FAM83B: variants seen among roughly 807,000 people sequenced by gnomAD.
FAM83B encodes scaffolding CK1 anchoring protein B, also known as protein FAM83B.
In FAM83B, 26 loss-of-function variants were observed where a neutral mutation model predicts 38.8. That is an observed-to-expected ratio of 0.67 (90% CI 0.49 to 0.93). The LOEUF is 0.93. FAM83B is among the 40% of genes least tolerant of loss of function. The pLI is 0.00. For missense variants in FAM83B, 1,237 were observed against 1,197.3 expected (o/e 1.03, Z -0.49); for synonymous variants, 419 against 423.1 (o/e 0.99, Z 0.12).
intron 2 of FAM83B, among the ~76,000 whole-genome samples, chr6:54,918,330 C>T (rs1037760038): frequency 6.6e-6 from 1 of 152,136 alleles, no homozygotes; most frequent in African/African-American, 2.4e-5. Context: ...ATTTCTAACT[C>T]TGTAGTAATA....
intron 1 of FAM83B, among the ~76,000 whole-genome samples, chr6:54,863,555 G>GACTTTTGTCATTTGGTCCTTAATTCT (rs60274215): frequency 0.54 from 82,463 of 151,650 alleles, 23,116 homozygotes; most frequent in Non-Finnish European, 0.59. Flanking sequence ...GCCAACCTGT[G>GACTTTTGTCATTTGGTCCTTAATTCT]ACTTCTCCAC....
rs543212842 is a variant in FAM83B, at chr6:54,942,303, ATGTATGG to A, written c.*318_*324del. ...TCTCACTTAGAAATTTTTGTGGACG[ATGTATGG>A]TGTATGGTGTATGGTGTATGGATTT... On this transcript the variant is annotated 3_prime_UTR_variant, in exon 5 of 5. Coordinates refer to ENST00000306858, the MANE Select transcript of FAM83B (RefSeq NM_001010872.3). Among the ~76,000 whole-genome samples the A allele has an allele frequency of 7.5e-4, 114 of 152,302 alleles. 2 individuals are homozygous for A. In the South Asian group the frequency reaches 0.019, roughly 25 times the overall value.
chr6:54,895,849 T>C (rs1319553156), intron 2 of FAM83B, among the ~76,000 whole-genome samples: 1 of 152,090 alleles, frequency 6.6e-6, no homozygotes, highest in East Asian at 1.9e-4. Context: ...CAAGTGATTC[T>C]CCTGCCTCAG....
At chr6:54,920,731 T>C (rs1773148457) in intron 2 of FAM83B, among the ~76,000 whole-genome samples, 1 of 151,948 alleles carries the variant, frequency 6.6e-6, no homozygotes, top group Non-Finnish European at 1.5e-5. Flanking sequence ...TTTGGTTATT[T>C]GGTGCATTTA....
chr6:54,848,048 G>T (rs1771181863), intron 1 of FAM83B, among the ~76,000 whole-genome samples: 2 of 145,174 alleles, frequency 1.4e-5, no homozygotes, highest in South Asian at 4.7e-4. Context: ...CAGGAAGGGA[G>T]AGAGTGATGA....
chr6:54,853,365 A>G (rs917154637), intron 1 of FAM83B, among the ~76,000 whole-genome samples: 4 of 152,206 alleles, frequency 2.6e-5, no homozygotes, highest in African/African-American at 7.2e-5. Context: ...AGAAGATGCC[A>G]TCTAGTATTT....
chr6:54,884,481 C>CAAAA (rs769913282), intron 2 of FAM83B, among the ~76,000 whole-genome samples: 3 of 71,120 alleles, frequency 4.2e-5, no homozygotes, highest in Non-Finnish European at 6.5e-5. Context: ...GACTCTGTCT[C>CAAAA]AAAAAAAAAA....
At position 54,851,743 on chromosome 6, in the gene FAM83B, G is replaced by A. The variant is rs565897782; in HGVS notation, c.-61+4917G>A. Among the ~76,000 whole-genome samples the A allele has an allele frequency of 2.8e-3, 400 of 144,698 alleles. 3 individuals carry two copies. Among genetic ancestry groups the A allele is most frequent in the African/African-American group, 9.9e-3 (377 of 38,106 alleles). The allele number at this position is 144,698 out of a possible 152,430, so 94.9% of individuals were successfully genotyped here. On this transcript the variant is annotated intron_variant, in intron 1 of 4. Transcript: ENST00000306858. The stretch of plus-strand genomic sequence containing the variant: ...GCTCACTGCAAGCTCCGCCTCCCGG[G>A]TTCATGCCATTCTCCTGCCTCAGCC...
At position 54,909,373 on chromosome 6, in the gene FAM83B, G is replaced by A. The variant is rs187925380; in HGVS notation, c.445-16998G>A. Among the ~76,000 whole-genome samples the A allele has an allele frequency of 3.6e-3, 545 of 152,132 alleles. 4 individuals are homozygous for A. The highest frequency in any genetic ancestry group is 0.012 in the African/African-American group (512 of 41,488). ...GATTCCAGATGAAAACTATTAGTTT[G>A]GTGCAAAAGTAATTGCGGTTCTTGC... On this transcript the variant is annotated intron_variant, in intron 2 of 4. Coordinates refer to ENST00000306858, the MANE Select transcript of FAM83B (RefSeq NM_001010872.3).
intron 2 of FAM83B, among the ~76,000 whole-genome samples, chr6:54,882,439 T>C (rs892803798): frequency 2.6e-5 from 4 of 152,170 alleles, no homozygotes; most frequent in Admixed American, 6.5e-5. Context: ...AAAAAATAAT[T>C]TTTTCTAGGC....
chr6:54,939,561 T>C (rs1773605719), intron 4 of FAM83B, 145 bp from the exon 5 acceptor site: 3 of 731,508 alleles, frequency 4.1e-6, no homozygotes, highest in Non-Finnish European at 6.2e-6. Flanking sequence ...AAACATGTAG[T>C]GCATGTAATG....
chr6:54,866,531 G>T (rs1427720993), intron 1 of FAM83B, among the ~76,000 whole-genome samples: 1 of 152,072 alleles, frequency 6.6e-6, no homozygotes, highest in African/African-American at 2.4e-5. Flanking sequence ...GAATTATTCA[G>T]CATGTAAACT....
chr6:54,906,789 A>C (rs1011285503), intron 2 of FAM83B, among the ~76,000 whole-genome samples: 4 of 152,198 alleles, frequency 2.6e-5, no homozygotes, highest in Non-Finnish European at 4.4e-5. Flanking sequence ...GATTATTTTT[A>C]AAAATGGTGA....
intron 2 of FAM83B, among the ~76,000 whole-genome samples, chr6:54,888,815 A>G (rs1333588147): frequency 6.7e-6 from 1 of 149,318 alleles, no homozygotes; most frequent in Non-Finnish European, 1.5e-5. Context: ...TATATCAGCT[A>G]GCATCTCCTC....
At position 54,943,670 on chromosome 6, in the gene FAM83B, A is replaced by C. The variant is rs1379918439; in HGVS notation, c.*1663A>C. 1 of 152,154 alleles carries C rather than the reference A, an allele frequency of 6.6e-6. No homozygotes were observed. Among genetic ancestry groups the C allele is most frequent in the Non-Finnish European group, 1.5e-5 (1 of 68,002 alleles). 9.4% of individuals were successfully genotyped at this position (152,154 alleles called of 1,614,324 possible). ...AAATATGACAGGAAAAGAAAACCTA[A>C]CAAAGCCCAGAACCCACAGTTAACC... On this transcript the variant is annotated 3_prime_UTR_variant, in exon 5 of 5. Coordinates refer to ENST00000306858, the MANE Select transcript of FAM83B (RefSeq NM_001010872.3).
rs145037946 is a variant in FAM83B, at chr6:54,936,015, T to C, written c.735-3691T>C. 5.5e-4 allele frequency among the ~76,000 whole-genome samples: 83 copies of C among 152,068 alleles called. No homozygotes were observed. In the East Asian group the frequency reaches 0.014, roughly 26 times the overall value. ...GGCCCACTAAAATTTTGGGTAGAGA[T>C]TGGACACAGATTCCAGAGATGAGGA... On this transcript the variant is annotated intron_variant, in intron 4 of 4. Transcript: ENST00000306858.
upstream of FAM83B, among the ~76,000 whole-genome samples, chr6:54,846,303 T>C (rs1380291796): frequency 6.6e-6 from 1 of 152,160 alleles, no homozygotes; most frequent in East Asian, 1.9e-4. Context: ...ACCCTTGCTC[T>C]CACCCGCGGC....
chr6:54,937,161 C>G (rs1773539248), intron 4 of FAM83B, among the ~76,000 whole-genome samples: 1 of 150,570 alleles, frequency 6.6e-6, no homozygotes, highest in Non-Finnish European at 1.5e-5. Context: ...TTGTATTAAC[C>G]CCCATTGTGT....
At chr6:54,855,769 C>A in intron 1 of FAM83B, among the ~76,000 whole-genome samples, 1 of 152,148 alleles carries the variant, frequency 6.6e-6, no homozygotes, top group Non-Finnish European at 1.5e-5. Context: ...AAAGTGGGGG[C>A]AGGAGCCCTT....
Sources: allele counts gnomAD v4.1 joint callset (sites outside exome capture counted in the v4.1 genomes callset), GRCh38; gene constraint gnomAD v4.1.1; transcripts MANE v1.5; gene names NCBI Gene and HGNC (gene_info 2026-07-23, HGNC 2026-07-21).